WRN: variants seen among roughly 807,000 people sequenced by gnomAD.
WRN encodes the protein WRN RecQ like helicase.
In WRN, 149 loss-of-function variants were observed where a neutral mutation model predicts 180.7. The observed-to-expected ratio is 0.82, with a 90% confidence interval of 0.72 to 0.94. The LOEUF (loss-of-function observed/expected upper bound fraction) is 0.94. WRN is among the 40% of genes least tolerant of loss of function. The probability of loss-of-function intolerance (pLI) is 0.00; values close to 1 mark genes in which losing one functional copy is unlikely to be tolerated. For synonymous variants in WRN, 548 were observed against 568.9 expected, an observed-to-expected ratio of 0.96 and a Z score of 0.52; for missense variants, 1,661 against 1,700.1, an observed-to-expected ratio of 0.98 and a Z score of 0.40.
chr8:31,141,521 G>A lies in WRN; in HGVS notation c.3059G>A (p.Arg1020His), dbSNP rs115298665. The A allele has an allele frequency of 1.6e-4, 253 of 1,614,064 alleles. No individual in the cohort carries two copies. In the African/African-American group the frequency reaches 2.1e-3, roughly 13 times the overall value. Residue 1020 changes from arginine to histidine, a missense_variant, in exon 25 of 35, where the codon CGT (arginine) becomes CAT (histidine). Transcript: ENST00000298139. ...QTESWWKAFSRQLITEGFLVE... is the reference protein window; with the variant it reads ...QTESWWKAFSHQLITEGFLVE... ...GAGAGTTGGTGGAAGGCTTTTTCCCGTCAGCTGATCACTGAGGGATTCTTG... is the reference window on the plus strand; with the variant it reads ...GAGAGTTGGTGGAAGGCTTTTTCCCATCAGCTGATCACTGAGGGATTCTTG...
rs759197788 is a variant in WRN, at chr8:31,067,116, C to A, written c.588C>A (p.Arg196=). Residue 196 remains arginine (R), a synonymous_variant, in exon 6 of 35, where the codon CGC becomes CGA. Coordinates refer to ENST00000298139, the MANE Select transcript of WRN (RefSeq NM_000553.6). ...GKQLLKDKSI[R]CSNWSKFPLT... is the part of the protein sequence containing the mutation. Reference sequence around the variant, plus strand: ...AGCTCCTGAAAGACAAGTCTATCCGCTGTAGCAATTGGAGTAAATTTCCTC... The same window carrying A: ...AGCTCCTGAAAGACAAGTCTATCCGATGTAGCAATTGGAGTAAATTTCCTC... The A allele has an allele frequency of 9.3e-6, 15 of 1,613,942 alleles. No homozygotes were observed. The South Asian group carries it at 1.6e-4, about 18-fold the overall frequency.
At chr8:31,150,629 A>G (rs1051587237) in intron 31 of WRN, among the ~76,000 whole-genome samples, 174 bp downstream of exon 31, 1 of 152,228 alleles carries the variant, frequency 6.6e-6, no homozygotes, top group African/African-American at 2.4e-5. Flanking sequence ...CATGTCAGTT[A>G]TCTACTTTTA....
At chr8:31,065,136 ATGTTAGATTTTTTTTTGAAAAAGCT>A in intron 5 of WRN, 73 bp downstream of exon 5, 1 of 1,502,326 alleles carries the variant, frequency 6.7e-7, no homozygotes, top group Admixed American at 1.9e-5. Context: ...TTCTATCTGA[ATGTTAGATTTTTTTTTGAAAAAGCT>A]TGTTATATAA....
At chr8:31,122,301 C>T (rs1159767187) in intron 21 of WRN, among the ~76,000 whole-genome samples, 2 of 151,940 alleles carry the variant, frequency 1.3e-5, no homozygotes, top group Non-Finnish European at 2.9e-5. Context: ...TGACAACCCT[C>T]TTCTAGAAAA....
At chr8:31,044,830 A>G (rs1811798633) in intron 1 of WRN, among the ~76,000 whole-genome samples, 1 of 152,120 alleles carries the variant, frequency 6.6e-6, no homozygotes, top group African/African-American at 2.4e-5. Context: ...CTATTAATTT[A>G]CCCTATAACT....
At chr8:31,060,504 A>C (rs1585403900) in intron 3 of WRN, among the ~76,000 whole-genome samples, 1 of 152,176 alleles carries the variant, frequency 6.6e-6, no homozygotes, top group Non-Finnish European at 1.5e-5. Flanking sequence ...ACACCATTGC[A>C]CTCCAGCCTG....
At chr8:31,161,660 G>A (rs1293491533) in intron 33 of WRN, among the ~76,000 whole-genome samples, 1 of 152,030 alleles carries the variant, frequency 6.6e-6, no homozygotes, top group African/African-American at 2.4e-5. Context: ...CCAACATGAT[G>A]AAACTCCGTT....
At chr8:31,039,130 G>A (rs1005106133) in intron 1 of WRN, among the ~76,000 whole-genome samples, 1 of 152,172 alleles carries the variant, frequency 6.6e-6, no homozygotes, top group Non-Finnish European at 1.5e-5. Flanking sequence ...GATAGGGATT[G>A]CATTGAATCT....
chr8:31,082,419 T>G (rs1467638581), intron 9 of WRN, among the ~76,000 whole-genome samples: 1 of 152,218 alleles, frequency 6.6e-6, no homozygotes, highest in Non-Finnish European at 1.5e-5. Flanking sequence ...AACATGCATT[T>G]CATTTTAAAA....
At chr8:31,071,544 C>T (rs537567342) in intron 7 of WRN, among the ~76,000 whole-genome samples, 9 of 152,172 alleles carry the variant, frequency 5.9e-5, no homozygotes, top group African/African-American at 1.2e-4. Flanking sequence ...TGCAGTGATG[C>T]GATCTTGGCT....
Position 31,068,264 on chromosome 8 carries a change from T to A in WRN, c.661T>A (p.Phe221Ile). 6.2e-7 allele frequency: 1 copy of A among 1,606,032 alleles called. No homozygotes were observed. The highest frequency in any genetic ancestry group is 1.3e-5 in the African/African-American group (1 of 74,916). ...TTTTTCTGTTTTTTTATAGGCTGGT[T>A]TTATTATTTACCGAAATTTAGAGAT... ...LYAATDAYAG[F>I]IIYRNLEILD... The change falls in exon 7 of 35, where the codon TTT becomes ATT. Residue 221 changes from phenylalanine to isoleucine, a missense_variant. Physicochemically the swap from Phe to Ile is conservative, Grantham distance 21. Coordinates refer to ENST00000298139, the MANE Select transcript of WRN (RefSeq NM_000553.6).
At chr8:31,143,858 T>G (rs2130427958) in intron 28 of WRN, among the ~76,000 whole-genome samples, 1 of 152,258 alleles carries the variant, frequency 6.6e-6, no homozygotes, top group African/African-American at 2.4e-5. Context: ...TGCTAAGAAC[T>G]TTATATGTGA....
rs576837409 is a variant in WRN at position 31,067,029 on chromosome 8, C to G, written c.505-4C>G. 2.0e-5 allele frequency: 32 copies of G among 1,613,476 alleles called. No homozygotes were observed. Among genetic ancestry groups the G allele is most frequent in the Non-Finnish European group, 2.5e-5 (30 of 1,179,846 alleles). On this transcript the variant is annotated splice_region_variant and splice_polypyrimidine_tract_variant and intron_variant, in intron 5 of 34. Transcript: ENST00000298139. Reference sequence around the variant, plus strand: ...TTACTGTGTTGCTTTTTCATCATTTCTAGCTGAAATGCACAGAGACCTGGA... The same window carrying G: ...TTACTGTGTTGCTTTTTCATCATTTGTAGCTGAAATGCACAGAGACCTGGA...
chr8:31,109,552 G>T (rs188042206), intron 18 of WRN, among the ~76,000 whole-genome samples: 2 of 152,212 alleles, frequency 1.3e-5, no homozygotes, highest in Non-Finnish European at 2.9e-5. Flanking sequence ...AAATCTGGGA[G>T]TAGTACTCAT....
intron 23 of WRN, among the ~76,000 whole-genome samples, chr8:31,125,707 G>T (rs1801904764): frequency 6.7e-6 from 1 of 150,116 alleles, no homozygotes; most frequent in Non-Finnish European, 1.5e-5. Flanking sequence ...CAGGCAAGAG[G>T]TGATGTTGCA....
intron 6 of WRN, 34 bp from the exon 7 acceptor site, chr8:31,068,224 A>T: frequency 6.7e-7 from 1 of 1,484,798 alleles, no homozygotes. Flanking sequence ...GGTGATCTTT[A>T]GCATACTTTT....
intron 8 of WRN, among the ~76,000 whole-genome samples, chr8:31,077,037 G>T (rs1020178140): frequency 1.3e-5 from 2 of 152,136 alleles, no homozygotes; most frequent in African/African-American, 4.8e-5. Flanking sequence ...ATACTTTGTA[G>T]AAATGTGATT....
chr8:31,099,430 C>A (rs185684425), intron 17 of WRN, among the ~76,000 whole-genome samples: 1 of 149,634 alleles, frequency 6.7e-6, no homozygotes, highest in East Asian at 1.9e-4. Flanking sequence ...ATCAGTCACT[C>A]ACTCAGGTTT....
chr8:31,085,127 A>T, intron 10 of WRN, 39 bp from the exon 11 acceptor site: 1 of 1,604,656 alleles, frequency 6.2e-7, no homozygotes, highest in Non-Finnish European at 8.5e-7. Context: ...TATGAAGTCA[A>T]TTATATTGGA....
Sources: allele counts gnomAD v4.1 joint callset (sites outside exome capture counted in the v4.1 genomes callset), GRCh38; gene constraint gnomAD v4.1.1; transcripts MANE v1.5; gene names NCBI Gene and HGNC (gene_info 2026-07-23, HGNC 2026-07-21).